PCDH11X: variants seen among roughly 807,000 people sequenced by gnomAD.
The protein encoded by PCDH11X is protocadherin 11 X-linked, also known as protocadherin-11 X-linked.
PCDH11X carries 18 observed loss-of-function variants against 53.3 expected under a neutral mutation model. The observed-to-expected ratio is 0.34, with a 90% CI of 0.23 to 0.50. PCDH11X has a LOEUF of 0.50. PCDH11X is among the 20% of genes least tolerant of loss of function. PCDH11X has a pLI of 0.98. For synonymous variants in PCDH11X, 279 were observed against 393.3 expected (o/e 0.71, Z 3.44); for missense variants, 570 against 1,032.4 (o/e 0.55, Z 6.14).
chrX:91,835,335 T>C, intron 4 of PCDH11X, 126 bp from the exon 5 acceptor site: 2 of 1,186,275 alleles, frequency 1.7e-6, no homozygotes, highest in Non-Finnish European at 2.3e-6. Flanking sequence ...ATTAACAGAG[T>C]GTCAATTATG....
At chrX:92,279,267 T>C (rs1236135942) in intron 8 of PCDH11X, among the ~76,000 whole-genome samples, 3 of 112,560 alleles carry the variant, frequency 2.7e-5, no homozygotes, top group Non-Finnish European at 3.7e-5. Flanking sequence ...CCTATTGTTG[T>C]CCAAATATAC....
At chrX:92,607,457 T>C (rs1244777610) in intron 10 of PCDH11X, among the ~76,000 whole-genome samples, 1 of 111,572 alleles carries the variant, frequency 9.0e-6, no homozygotes, top group African/African-American at 3.2e-5. Context: ...AGAGATTGCT[T>C]AGGGCTCTGG....
chrX:92,535,393 C>T (rs1204828091), intron 10 of PCDH11X, among the ~76,000 whole-genome samples: 11 of 111,014 alleles, frequency 9.9e-5, no homozygotes, highest in Non-Finnish European at 2.1e-4. Flanking sequence ...AAGCCGGAGG[C>T]CATTATCCTT....
At chrX:91,972,623 G>A (rs1331166158) in intron 6 of PCDH11X, among the ~76,000 whole-genome samples, 1 of 105,509 alleles carries the variant, frequency 9.5e-6, no homozygotes, top group East Asian at 3.0e-4. Flanking sequence ...ATTGATTTTT[G>A]TATAAGGTGT....
chrX:92,556,330 C>G (rs2075045544), intron 10 of PCDH11X, among the ~76,000 whole-genome samples: 1 of 111,277 alleles, frequency 9.0e-6, no homozygotes, highest in South Asian at 3.8e-4. Context: ...TCATCCAAGA[C>G]AAGGCAAGTC....
intron 10 of PCDH11X, chrX:92,569,828 C>A (rs1460058514): frequency 7.4e-6 from 1 of 135,472 alleles, no homozygotes; most frequent in Non-Finnish European, 1.4e-5. Flanking sequence ...CCAGCCTGAA[C>A]AACATGGTGA....
intron 10 of PCDH11X, among the ~76,000 whole-genome samples, chrX:92,532,148 T>C (rs779126716): frequency 1.8e-5 from 2 of 111,725 alleles, no homozygotes; most frequent in South Asian, 7.5e-4. Context: ...TTCTGATAAA[T>C]GTAGTTCTTA....
intron 8 of PCDH11X, among the ~76,000 whole-genome samples, chrX:92,317,579 T>C (rs1475450304): frequency 3.6e-5 from 4 of 111,504 alleles, no homozygotes; most frequent in Non-Finnish European, 7.5e-5. Flanking sequence ...GTTGGAATGA[T>C]TGGGTACAAA....
At chrX:92,200,719 G>A (rs1414480093) in intron 6 of PCDH11X, among the ~76,000 whole-genome samples, 5 of 111,102 alleles carry the variant, frequency 4.5e-5, no homozygotes, top group Non-Finnish European at 7.5e-5. Context: ...ATCTTTGTAT[G>A]GCAAATAGCA....
intron 10 of PCDH11X, among the ~76,000 whole-genome samples, chrX:92,591,200 T>C (rs758280782): frequency 9.0e-6 from 1 of 110,595 alleles, no homozygotes; most frequent in East Asian, 2.9e-4. Flanking sequence ...AAGGTGATTT[T>C]CCTTTGTGAC....
At chrX:92,291,746 A>G (rs2068497324) in intron 8 of PCDH11X, among the ~76,000 whole-genome samples, 1 of 109,403 alleles carries the variant, frequency 9.1e-6, no homozygotes, top group Non-Finnish European at 1.9e-5. Context: ...TTGAATGCCC[A>G]GAGATGGAAA....
In PCDH11X at chrX:92,475,448, T is replaced by G. The variant is rs908841461; in HGVS notation, c.3367+7126T>G. Among the ~76,000 whole-genome samples, 48 of 111,528 alleles carry G rather than the reference T, an allele frequency of 4.3e-4. 1 individual carries two copies. Among genetic ancestry groups the G allele is most frequent in the African/African-American group, 1.5e-3 (47 of 30,634 alleles). ...AGGATATTTTCACCAGATATACTATTATAGAGTGAAAGTATTTTTTCTCCA... is the reference window on the plus strand; with the variant it reads ...AGGATATTTTCACCAGATATACTATGATAGAGTGAAAGTATTTTTTCTCCA... On this transcript the variant is annotated intron_variant, in intron 10 of 10. Transcript: ENST00000682573.
intron 6 of PCDH11X, among the ~76,000 whole-genome samples, chrX:92,049,929 A>G (rs1430454915): frequency 9.0e-6 from 1 of 110,747 alleles, no homozygotes; most frequent in Non-Finnish European, 1.9e-5. Flanking sequence ...GCCCACCACA[A>G]TGCTGGGCTA....
At chrX:92,167,219 A>G (rs2065749979) in intron 6 of PCDH11X, among the ~76,000 whole-genome samples, 2 of 111,558 alleles carry the variant, frequency 1.8e-5, no homozygotes, top group South Asian at 7.5e-4. Context: ...ACTGGAAGTT[A>G]TATTGCTGAC....
At chrX:91,984,305 C>A (rs1454979034) in intron 6 of PCDH11X, among the ~76,000 whole-genome samples, 1 of 100,637 alleles carries the variant, frequency 9.9e-6, no homozygotes, top group East Asian at 3.1e-4. Flanking sequence ...TTAGTTTAAT[C>A]TCTTTAAGAA....
intron 8 of PCDH11X, among the ~76,000 whole-genome samples, chrX:92,285,140 A>G (rs1466105801): frequency 9.2e-6 from 1 of 108,331 alleles, no homozygotes; most frequent in African/African-American, 3.4e-5. Context: ...TATTGTTATT[A>G]TTGTTGTTAT....
rs773457044 is a variant in PCDH11X, at chrX:92,013,504, A to C, written c.3033+134231A>C. On this transcript the variant is annotated intron_variant, in intron 6 of 10. Transcript: ENST00000682573. ...TGCCATCCCCATCAAGCTACCAATG[A>C]CTTTCTTCACAGAATTGGAAAAAAC... 2.4e-4 allele frequency among the ~76,000 whole-genome samples: 27 copies of C among 111,653 alleles called. No individual in the cohort carries two copies. In the South Asian group the frequency reaches 2.6e-3, roughly 11 times the overall value.
At chrX:91,929,428 G>A (rs1225333632) in intron 6 of PCDH11X, among the ~76,000 whole-genome samples, 1 of 110,218 alleles carries the variant, frequency 9.1e-6, no homozygotes, top group Non-Finnish European at 1.9e-5. Context: ...ATTTCTTTGT[G>A]TCTGTTATTC....
chrX:92,374,464 CTT>C (rs2070695212), intron 8 of PCDH11X, among the ~76,000 whole-genome samples: 1 of 102,704 alleles, frequency 9.7e-6, no homozygotes, highest in Non-Finnish European at 2.0e-5. Flanking sequence ...AGAGAGTGCT[CTT>C]TGTCTCCAGA....
Sources: allele counts gnomAD v4.1 joint callset (sites outside exome capture counted in the v4.1 genomes callset), GRCh38; gene constraint gnomAD v4.1.1; transcripts MANE v1.5; gene names NCBI Gene and HGNC (gene_info 2026-07-23, HGNC 2026-07-21).